Variants in SART1 observed in about 807,000 individuals in gnomAD.
SART1 encodes spliceosome associated factor 1, recruiter of U4/U6.U5 tri-snRNP.
A neutral mutation model predicts 105.0 loss-of-function variants in SART1; 28 were observed. The observed-to-expected ratio is 0.27, with a 90% CI of 0.20 to 0.37. SART1 has a LOEUF of 0.37. SART1 is among the 10% of genes least tolerant of loss of function. The pLI, the probability that SART1 is intolerant of heterozygous loss-of-function variation, is 1.00. For synonymous variants in SART1, 472 were observed against 462.9 expected (o/e 1.02, Z -0.25); for missense variants, 894 against 1,106.5 (o/e 0.81, Z 2.72).
chr11:65,977,919 G>C lies in SART1; in HGVS notation c.2172+20G>C. On this transcript the variant is annotated intron_variant, in intron 17 of 19. Transcript: ENST00000312397. ...AAGGAGGTGAGCAGGGCCTTTTGCA[G>C]GCGGAGGCCCGGCCTGCCACAGGGA... The C allele has an allele frequency of 6.3e-7, 1 of 1,587,146 alleles. No homozygotes were observed. The highest frequency in any genetic ancestry group is 8.6e-7 in the Non-Finnish European group (1 of 1,169,296).
Position 65,967,496 on chromosome 11 carries a change from G to A in SART1, c.1339G>A (p.Val447Met), listed in dbSNP as rs758740733. The change falls in exon 11 of 20, where the codon GTG (valine) becomes ATG (methionine). Residue 447 changes from valine (V) to methionine (M), a missense_variant. Physicochemically the swap from Val to Met is conservative, Grantham distance 21 (BLOSUM62 1). Around this residue, in one of 2 missense-constraint regions of SART1, gnomAD observed 712 missense variants for 778.2 expected, o/e 0.91. Coordinates refer to ENST00000312397, the MANE Select transcript of SART1 (RefSeq NM_005146.5). ...SRLRGRGRRRVSEVEEEKEPV... is the reference protein window; with the variant it reads ...SRLRGRGRRRMSEVEEEKEPV... ...ACTGCGGGGACGGGGTCGCCGCCGA[G>A]TGTCCGAAGTGGAGGAGGAGAAGGA... 5 of 1,613,216 alleles carry A rather than the reference G, an allele frequency of 3.1e-6. No homozygotes were observed. In the South Asian group the frequency reaches 3.3e-5, roughly 11 times the overall value.
intron 12 of SART1, among the ~76,000 whole-genome samples, chr11:65,973,195 G>A (rs1042278346): frequency 6.6e-6 from 1 of 151,978 alleles, no homozygotes; most frequent in East Asian, 1.9e-4. Flanking sequence ...AATTGAGAAC[G>A]TAAGTTTTTT....
chr11:65,977,277 CT>C (rs1378432535), intron 15 of SART1, among the ~76,000 whole-genome samples, 176 bp downstream of exon 15: 7 of 152,218 alleles, frequency 4.6e-5, no homozygotes, highest in Non-Finnish European at 1.0e-4. Flanking sequence ...TCTGCTCTGC[CT>C]TTGAGGCTCC....
chr11:65,971,904 CAG>C (rs1012170004), intron 12 of SART1, among the ~76,000 whole-genome samples: 3 of 151,934 alleles, frequency 2.0e-5, no homozygotes, highest in Non-Finnish European at 4.4e-5. Flanking sequence ...CTGGAGAGAA[CAG>C]AAAGGATCCT....
At chr11:65,964,715 C>A in intron 3 of SART1, 145 bp downstream of exon 3, 1 of 798,868 alleles carries the variant, frequency 1.3e-6, no homozygotes, top group Non-Finnish European at 1.9e-6. Flanking sequence ...TCCCTCCTTG[C>A]TGGTATAATG....
Position 65,967,912 on chromosome 11 carries a change from A to C in SART1, c.1572+91A>C, listed in dbSNP as rs544803519. The C allele has an allele frequency of 3.8e-6, 4 of 1,054,924 alleles. No individual in the cohort carries two copies. In the East Asian group the frequency reaches 1.2e-4, roughly 32 times the overall value. 65.3% of individuals were successfully genotyped at this position (1,054,924 alleles called of 1,614,324 possible). A position where few individuals can be genotyped will look rare whatever the true frequency, so the allele number is the denominator to read the frequency against. On this transcript the variant is annotated intron_variant, in intron 12 of 19. Coordinates refer to ENST00000312397, the MANE Select transcript of SART1 (RefSeq NM_005146.5). ...TAGGCGACAGCCACATTCCTGTCTG[A>C]AGCCTCTTTTCCATTTGTTTTTTGT... is the stretch of plus-strand genomic sequence containing the variant.
At chr11:65,975,101 C>CG (rs1210447063) in intron 12 of SART1, among the ~76,000 whole-genome samples, 1 of 128,152 alleles carries the variant, frequency 7.8e-6, no homozygotes, top group African/African-American at 2.9e-5. Context: ...TCCTGGAAGA[C>CG]TTTTTTTTTT....
At chr11:65,963,862 A>G in intron 1 of SART1, 1 of 600,952 alleles carries the variant, frequency 1.7e-6, no homozygotes. Context: ...GGGTCAGGAA[A>G]GGAAGGTGCA....
Position 65,967,457 on chromosome 11 carries a change from C to G in SART1, c.1314-14C>G, listed in dbSNP as rs1435406190. The stretch of plus-strand genomic sequence containing the variant: ...TGGGGACCGGTGCTCACCAGAGAGG[C>G]CTCCTTCCCTCAGACTGCGGGGACG... On this transcript the variant is annotated splice_polypyrimidine_tract_variant and intron_variant, in intron 10 of 19. Coordinates refer to ENST00000312397, the MANE Select transcript of SART1 (RefSeq NM_005146.5). The G allele has an allele frequency of 1.9e-6, 3 of 1,613,506 alleles. No individual in the cohort carries two copies. The Admixed American group carries it at 5.0e-5, about 27-fold the overall frequency.
chr11:65,962,284 C>T (rs1160537718), intron 1 of SART1, among the ~76,000 whole-genome samples, 191 bp downstream of exon 1: 1 of 152,178 alleles, frequency 6.6e-6, no homozygotes, highest in Admixed American at 6.5e-5. Flanking sequence ...AGCTGCGGTC[C>T]CGCCAGTGTA....
Position 65,978,412 on chromosome 11 carries a change from C to T in SART1, c.2173-188C>T. 1 of 613,164 alleles carries T rather than the reference C, an allele frequency of 1.6e-6. No homozygotes were observed. Among genetic ancestry groups the T allele is most frequent in the South Asian group, 1.9e-5 (1 of 52,478 alleles). 38.0% of individuals were successfully genotyped at this position (613,164 alleles called of 1,614,324 possible). ...CAGCGCATCCACTAGCCAAGCTGGT[C>T]TCCCGGCCTCTGCTGGGGCCCTGCA... is the stretch of plus-strand genomic sequence containing the variant. On this transcript the variant is annotated intron_variant, in intron 17 of 19. Transcript: ENST00000312397. The surrounding 1 kb of genome is among the most constrained non-coding windows in gnomAD (Gnocchi z 6.8).
chr11:65,965,074 T>C lies in SART1; in HGVS notation c.428-18T>C. 2.6e-6 allele frequency: 4 copies of C among 1,563,894 alleles called. No individual in the cohort carries two copies. The highest frequency in any genetic ancestry group is 2.3e-5 in the East Asian group (1 of 44,364). On this transcript the variant is annotated intron_variant, in intron 3 of 19. Coordinates refer to ENST00000312397, the MANE Select transcript of SART1 (RefSeq NM_005146.5). Reference sequence around the variant, plus strand: ...AGCCATGGGCGGGCATAGCCTCACGTCTGGGCCCCCCTTCCAGAGGCGGGC... The same window carrying C: ...AGCCATGGGCGGGCATAGCCTCACGCCTGGGCCCCCCTTCCAGAGGCGGGC...
chr11:65,967,953 T>G (rs866321143), intron 12 of SART1, 132 bp downstream of exon 12: 78 of 670,818 alleles, frequency 1.2e-4, no homozygotes, highest in Middle Eastern at 9.5e-4. Context: ...GGGTTTGTTT[T>G]TTTTTTTTTT....
chr11:65,979,430 C>G lies in SART1; in HGVS notation c.*400C>G, dbSNP rs1386679636. On this transcript the variant is annotated 3_prime_UTR_variant, in exon 20 of 20. Transcript: ENST00000312397. Reference sequence around the variant, plus strand: ...CCAGCCTGGTGGGCTGGGGATTGGGCTTTGGGTAGGGCACAGGTGCCACCT... The same window carrying G: ...CCAGCCTGGTGGGCTGGGGATTGGGGTTTGGGTAGGGCACAGGTGCCACCT... 1 of 257,830 alleles carries G rather than the reference C, an allele frequency of 3.9e-6. No individual in the cohort carries two copies. The highest frequency in any genetic ancestry group is 5.3e-5 in the Admixed American group (1 of 18,864). The allele number at this position is 257,830 out of a possible 1,614,324, so 16.0% of individuals were successfully genotyped here.
chr11:65,966,677 G>T, intron 9 of SART1, 121 bp downstream of exon 9: 1 of 1,192,100 alleles, frequency 8.4e-7, no homozygotes, highest in Non-Finnish European at 1.1e-6. Flanking sequence ...GCTTGGCCTC[G>T]CGGGTGAGCA....
At chr11:65,966,876 G>A (rs575544683) in intron 9 of SART1, among the ~76,000 whole-genome samples, 1 of 152,290 alleles carries the variant, frequency 6.6e-6, no homozygotes, top group African/African-American at 2.4e-5. Context: ...CTGTGAGGAT[G>A]AGTGACAGCG....
At chr11:65,972,904 G>C (rs888914771) in intron 12 of SART1, among the ~76,000 whole-genome samples, 2 of 152,164 alleles carry the variant, frequency 1.3e-5, no homozygotes, top group African/African-American at 2.4e-5. Flanking sequence ...GGGCGCGATG[G>C]CTCACGCCTG....
rs778609687 is a variant in SART1 at position 65,966,571 on chromosome 11, G to A, written c.1188+15G>A. On this transcript the variant is annotated intron_variant, in intron 9 of 19. Coordinates refer to ENST00000312397, the MANE Select transcript of SART1 (RefSeq NM_005146.5). ...CTGAGGAGATGGTGAGCCCTCCCGT[G>A]CCTTATACTCGGGGTCAAGATTCTC... 1.3e-6 allele frequency: 2 copies of A among 1,490,204 alleles called. No homozygotes were observed. Among genetic ancestry groups the A allele is most frequent in the Non-Finnish European group, 1.8e-6 (2 of 1,123,936 alleles). 92.3% of individuals were successfully genotyped at this position (1,490,204 alleles called of 1,614,324 possible).
chr11:65,972,120 ATCTCATGTAG>A (rs1284571713), intron 12 of SART1, among the ~76,000 whole-genome samples: 1 of 152,118 alleles, frequency 6.6e-6, no homozygotes, highest in Non-Finnish European at 1.5e-5. Context: ...CAAGATGTCC[ATCTCATGTAG>A]TTCATTTCTA....
Sources: allele counts gnomAD v4.1 joint callset (sites outside exome capture counted in the v4.1 genomes callset), GRCh38; gene constraint gnomAD v4.1.1; regional missense constraint gnomAD v4.1.1; non-coding constraint Gnocchi (gnomAD v3.1); transcripts MANE v1.5; gene names NCBI Gene and HGNC (gene_info 2026-07-23, HGNC 2026-07-21).